The following CCDC15 variants were observed in gnomAD, a reference collection of about 807,000 sequenced individuals.
The protein encoded by CCDC15 is coiled-coil domain-containing protein 15.
Under a neutral mutation model 114.5 loss-of-function variants are expected in CCDC15, and 105 were observed. The ratio of observed to expected loss-of-function variants is 0.92; its 90% CI spans 0.78 to 1.08. The LOEUF (loss-of-function observed/expected upper bound fraction) is 1.08. Among genes scored for constraint, CCDC15 ranks in the 50% least tolerant of loss-of-function variants. The pLI is 0.00. For missense variants in CCDC15, 1,105 were observed against 1,093.6 expected, an observed-to-expected ratio of 1.01 and a Z score of -0.15; for synonymous variants, 334 against 377.8, an observed-to-expected ratio of 0.88 and a Z score of 1.34.
At chr11:125,008,903 C>T (rs977677564) in intron 13 of CCDC15, among the ~76,000 whole-genome samples, 4 of 152,068 alleles carry the variant, frequency 2.6e-5, no homozygotes, top group East Asian at 1.9e-4. Context: ...ATTGTGCCTA[C>T]TAACTTCTAA....
chr11:124,954,596 C>T (rs1947514486), intron 1 of CCDC15, 128 bp from the exon 2 acceptor site: 2 of 679,858 alleles, frequency 2.9e-6, no homozygotes, highest in Non-Finnish European at 5.0e-6. Context: ...CCGTGTGTTT[C>T]CACTTCATGC....
chr11:125,017,685 T>C (rs78171912), intron 13 of CCDC15, among the ~76,000 whole-genome samples: 6,330 of 152,162 alleles, frequency 0.042, 155 homozygotes, highest in Middle Eastern at 0.082. Flanking sequence ...GAAGAAGGCA[T>C]TATCATAGGA....
At chr11:124,982,915 C>T (rs1948095471) in intron 6 of CCDC15, among the ~76,000 whole-genome samples, 2 of 152,152 alleles carry the variant, frequency 1.3e-5, no homozygotes, top group South Asian at 4.1e-4. Flanking sequence ...GTTTCTTTCC[C>T]TCTCAGGGAT....
chr11:124,979,280 T>C (rs1181822426), intron 6 of CCDC15, among the ~76,000 whole-genome samples: 17 of 152,182 alleles, frequency 1.1e-4, no homozygotes. Flanking sequence ...TCAGGCTCTT[T>C]TTTGTTTTCA....
chr11:124,962,008 G>A (rs540350324), intron 4 of CCDC15, among the ~76,000 whole-genome samples: 31 of 152,146 alleles, frequency 2.0e-4, no homozygotes, highest in Middle Eastern at 3.4e-3. Flanking sequence ...AATGTCACAA[G>A]ATTTTTTAAA....
In CCDC15 at chr11:124,988,742, A is replaced by G. The variant is rs140734106; in HGVS notation, c.1908+608A>G. Among the ~76,000 whole-genome samples the G allele has an allele frequency of 5.7e-3, 866 of 152,328 alleles. 12 individuals are homozygous for G. The highest frequency in any genetic ancestry group is 0.01 in the Non-Finnish European group (689 of 68,024). ...TAAACCCTTTGTTGTCATTTTAACA[A>G]TGTTCACAGTAGATTCCATCTCAAG... On this transcript the variant is annotated intron_variant, in intron 8 of 15. Transcript: ENST00000344762.
At chr11:125,026,242 A>T (rs1948701576) in intron 13 of CCDC15, among the ~76,000 whole-genome samples, 1 of 152,194 alleles carries the variant, frequency 6.6e-6, no homozygotes, top group Non-Finnish European at 1.5e-5. Context: ...CTGAAGTTCC[A>T]ACCACCTGGA....
intron 4 of CCDC15, among the ~76,000 whole-genome samples, chr11:124,963,317 T>C (rs2135435962): frequency 6.6e-6 from 1 of 152,370 alleles, no homozygotes; most frequent in East Asian, 1.9e-4. Context: ...TTTCCTGACT[T>C]TTTAATGATT....
chr11:125,001,347 A>C (rs932091572), intron 11 of CCDC15, among the ~76,000 whole-genome samples: 3 of 152,244 alleles, frequency 2.0e-5, no homozygotes, highest in African/African-American at 7.2e-5. Flanking sequence ...ATTACACATA[A>C]ATTTTAGTGA....
At chr11:124,954,932 T>TA (rs1429588648) in intron 2 of CCDC15, 23 bp downstream of exon 2, 1 of 1,610,446 alleles carries the variant, frequency 6.2e-7, no homozygotes, top group East Asian at 2.2e-5. Context: ...TTGATCCAAA[T>TA]ATGGTGGGGT....
chr11:125,019,378 T>C (rs1948648421), intron 13 of CCDC15, among the ~76,000 whole-genome samples: 1 of 151,938 alleles, frequency 6.6e-6, no homozygotes, highest in Non-Finnish European at 1.5e-5. Flanking sequence ...TATTTACTTG[T>C]TTCAATAACC....
intron 3 of CCDC15, among the ~76,000 whole-genome samples, chr11:124,959,569 T>G (rs1947619371): frequency 6.6e-6 from 1 of 152,176 alleles, no homozygotes; most frequent in Non-Finnish European, 1.5e-5. Context: ...CTTCACTGAT[T>G]GTAGTTTCTT....
chr11:124,971,980 T>A (rs1228036024), intron 4 of CCDC15, among the ~76,000 whole-genome samples: 1 of 152,200 alleles, frequency 6.6e-6, no homozygotes, highest in Admixed American at 6.5e-5. Flanking sequence ...ATAGTTATAT[T>A]GTAATTTTGC....
intron 5 of CCDC15, among the ~76,000 whole-genome samples, 162 bp from the exon 6 acceptor site, chr11:124,977,315 GT>G (rs1447195942): frequency 1.3e-5 from 2 of 152,100 alleles, no homozygotes; most frequent in African/African-American, 4.8e-5. Flanking sequence ...TGAGCGCTTT[GT>G]TTGTACATAT....
At chr11:125,000,200 G>A (rs1046455146) in intron 11 of CCDC15, among the ~76,000 whole-genome samples, 5 of 151,998 alleles carry the variant, frequency 3.3e-5, no homozygotes, top group African/African-American at 1.2e-4. Context: ...TCTGGTTTCT[G>A]TTAAAATCCT....
chr11:124,991,218 G>C (rs1658743369), intron 8 of CCDC15, among the ~76,000 whole-genome samples: 1 of 152,134 alleles, frequency 6.6e-6, no homozygotes, highest in South Asian at 2.1e-4. Context: ...AGGCAAGGTA[G>C]AAAAGAAAAA....
intron 6 of CCDC15, among the ~76,000 whole-genome samples, chr11:124,978,439 C>T (rs774923749): frequency 2.0e-5 from 3 of 152,112 alleles, no homozygotes; most frequent in Non-Finnish European, 4.4e-5. Context: ...AATCACCAAA[C>T]TGCTTTCCAC....
chr11:124,971,956 C>T (rs1366646556), intron 4 of CCDC15, among the ~76,000 whole-genome samples: 1 of 152,158 alleles, frequency 6.6e-6, no homozygotes, highest in South Asian at 2.1e-4. Flanking sequence ...TCTTTCCACT[C>T]CCGTCCTCTC....
At chr11:124,965,626 G>T (rs1316846272) in intron 4 of CCDC15, among the ~76,000 whole-genome samples, 1 of 152,018 alleles carries the variant, frequency 6.6e-6, no homozygotes, top group Non-Finnish European at 1.5e-5. Context: ...AAGGGTTTTT[G>T]TGTCTCTATC....
Sources: gnomAD v4.1 joint callset for allele counts (sites outside exome capture counted in the v4.1 genomes callset) on GRCh38, gnomAD v4.1.1 for gene constraint, MANE v1.5 for transcripts, NCBI Gene and HGNC (gene_info 2026-07-23, HGNC 2026-07-21) for gene names.